The following ANKRD36C variants were observed in gnomAD, a reference collection of about 807,000 sequenced individuals.
ANKRD36C encodes ankyrin repeat domain 36C, also known as ankyrin repeat domain-containing protein 36C.
A neutral mutation model predicts 276.4 loss-of-function variants in ANKRD36C; 61 were observed. The ratio of observed to expected loss-of-function variants is 0.22; its 90% CI spans 0.18 to 0.27. ANKRD36C has a LOEUF of 0.27. ANKRD36C is among the 10% of genes least tolerant of loss of function. ANKRD36C has a pLI of 1.00. For missense variants in ANKRD36C, 1,447 were observed against 2,032.3 expected, an observed-to-expected ratio of 0.71 and a Z score of 5.54; for synonymous variants, 483 against 680.1, an observed-to-expected ratio of 0.71 and a Z score of 4.51.
At chr2:95,858,544 T>G (rs930935732) in intron 61 of ANKRD36C, among the ~76,000 whole-genome samples, 12 of 152,208 alleles carry the variant, frequency 7.9e-5, no homozygotes, top group Non-Finnish European at 1.5e-4. Context: ...CTTCACACAG[T>G]AATTACTCCT....
chr2:95,878,277 T>C (rs1225310877), intron 58 of ANKRD36C, among the ~76,000 whole-genome samples: 8 of 152,072 alleles, frequency 5.3e-5, no homozygotes, highest in Non-Finnish European at 1.2e-4. Flanking sequence ...TTAATAACAT[T>C]TTATACTTCA....
In ANKRD36C at chr2:95,872,380, C is replaced by T. The variant is rs539010871; in HGVS notation, c.3540+4059G>A. 1.2e-4 allele frequency among the ~76,000 whole-genome samples: 18 copies of T among 151,662 alleles called. 1 individual carries two copies. In the South Asian group the frequency reaches 3.1e-3, roughly 26 times the overall value. On this transcript the variant is annotated intron_variant, in intron 59 of 66. Transcript: ENST00000456556. The stretch of plus-strand genomic sequence containing the variant: ...AAGAAACTCACTCAAAACCGCTCAA[C>T]TACATGGAAACTGAACAACCTGCTC...
At chr2:95,880,572 A>G (rs1209447807) in intron 57 of ANKRD36C, 23 bp downstream of exon 77, 1 of 1,534,888 alleles carries the variant, frequency 6.5e-7, no homozygotes, top group Non-Finnish European at 8.8e-7. Flanking sequence ...AATAATTAAA[A>G]ATATAAATGT....
intron 37 of ANKRD36C, 37 bp downstream of exon 39, chr2:95,916,106 G>A (rs765074132): frequency 2.6e-5 from 41 of 1,604,644 alleles, no homozygotes; most frequent in Middle Eastern, 2.3e-4. Flanking sequence ...TAGGCTATAC[G>A]TTTACTAGCT....
chr2:95,916,310 G>A, intron 36 of ANKRD36C, 139 bp from the exon 39 acceptor site: 1 of 1,449,882 alleles, frequency 6.9e-7, no homozygotes, highest in Non-Finnish European at 9.4e-7. Context: ...TTGTGTCTGG[G>A]GACTAGAACA....
chr2:95,910,953 A>G (rs1228955940), intron 42 of ANKRD36C, among the ~76,000 whole-genome samples: 1 of 151,466 alleles, frequency 6.6e-6, no homozygotes, highest in Non-Finnish European at 1.5e-5. Flanking sequence ...CGTGCAACAA[A>G]TCAAAAGGAT....
intron 44 of ANKRD36C, 21 bp from the exon 63 acceptor site, chr2:95,893,745 A>C: frequency 6.2e-7 from 1 of 1,604,586 alleles, no homozygotes; most frequent in Non-Finnish European, 8.5e-7. Flanking sequence ...AAAGGGATTC[A>C]TAATCACTCA....
chr2:95,991,772 C>A, exon 1 of ANKRD36C: 1 of 1,508,844 alleles, frequency 6.6e-7, no homozygotes, highest in Non-Finnish European at 9.1e-7. Flanking sequence ...ATCGCCGCCT[C>A]CGAAGAGCAA....
intron 14 of ANKRD36C, among the ~76,000 whole-genome samples, 188 bp from the exon 15 acceptor site, chr2:95,951,596 T>C (rs151285751): frequency 6.6e-6 from 1 of 151,684 alleles, no homozygotes; most frequent in Non-Finnish European, 1.5e-5. Flanking sequence ...TGATTGGTGA[T>C]ACAGATATCT....
At chr2:95,903,215 T>A in intron 42 of ANKRD36C, 134 bp from the exon 53 acceptor site, 1 of 1,423,868 alleles carries the variant, frequency 7.0e-7, no homozygotes. Flanking sequence ...CTACTTTGTG[T>A]CTGGGGACTA....
At position 95,873,866 on chromosome 2, in the gene ANKRD36C, C is replaced by T. The variant is rs546041418; in HGVS notation, c.3540+2573G>A. ...AAAATCAATGTACAAAAATCATAAG[C>T]ATTCTTATACACCAATAACAGACAA... On this transcript the variant is annotated intron_variant, in intron 59 of 66. Coordinates refer to ENST00000456556, the Ensembl canonical transcript of ANKRD36C. Among the ~76,000 whole-genome samples, 83 of 152,336 alleles carry T rather than the reference C, an allele frequency of 5.4e-4. 2 individuals are homozygous for T. The highest frequency in any genetic ancestry group is 6.8e-3 in the Middle Eastern group (2 of 294).
At chr2:95,850,527 G>A (rs1449134885), downstream of ANKRD36C, among the ~76,000 whole-genome samples, 5 of 152,202 alleles carry the variant, frequency 3.3e-5, no homozygotes, top group South Asian at 2.1e-4. Context: ...AGGTGAAGAC[G>A]ATCACTGTGG....
chr2:95,869,213 G>C (rs1675747527), intron 59 of ANKRD36C, among the ~76,000 whole-genome samples: 1 of 152,044 alleles, frequency 6.6e-6, no homozygotes, highest in African/African-American at 2.4e-5. Context: ...CAAATCACTG[G>C]ATTGTAACTA....
chr2:95,944,757 A>G (rs1275387687), intron 18 of ANKRD36C, 63 bp from the exon 19 acceptor site: 1 of 1,516,232 alleles, frequency 6.6e-7, no homozygotes. Context: ...GTAAATAAGA[A>G]CCGGGTGTGG....
At chr2:95,924,243 T>G (rs563882197) in intron 30 of ANKRD36C, among the ~76,000 whole-genome samples, 18 of 151,762 alleles carry the variant, frequency 1.2e-4, no homozygotes, top group African/African-American at 4.1e-4. Flanking sequence ...TCCTAGTAGA[T>G]AGTATTCATT....
rs190729094 is a variant in ANKRD36C, at chr2:95,919,635, G to A, written c.2246-1593C>T. On this transcript the variant is annotated intron_variant, in intron 34 of 66. Transcript: ENST00000456556. ...CTGCTGAATCAGAATGTGCAGCTTC[G>A]GCGACTCCCCCCACCCACCCTCCGC... 116 of 618,302 alleles carry A rather than the reference G, an allele frequency of 1.9e-4. 19 individuals carry two copies. The African/African-American group carries it at 2.0e-3, about 11-fold the overall frequency. The allele number at this position is 618,302 out of a possible 1,614,324, so 38.3% of individuals were successfully genotyped here.
At chr2:95,917,805 T>C in intron 36 of ANKRD36C, 50 bp downstream of exon 38, 1 of 1,554,648 alleles carries the variant, frequency 6.4e-7, no homozygotes, top group Non-Finnish European at 8.7e-7. Flanking sequence ...GTAGAGAAGT[T>C]CTTTTCTATC....
intron 59 of ANKRD36C, among the ~76,000 whole-genome samples, chr2:95,869,070 C>T (rs1423276068): frequency 6.6e-6 from 1 of 151,566 alleles, no homozygotes; most frequent in East Asian, 1.9e-4. Flanking sequence ...AGTTTTCTTT[C>T]TTAGATGTCT....
intron 16 of ANKRD36C, among the ~76,000 whole-genome samples, chr2:95,950,066 G>A (rs1000108293): frequency 2.0e-5 from 3 of 152,138 alleles, no homozygotes; most frequent in African/African-American, 7.2e-5. Flanking sequence ...AACTGGTTAG[G>A]CAGTAAGTGG....
Sources: allele counts gnomAD v4.1 joint callset (sites outside exome capture counted in the v4.1 genomes callset), GRCh38; gene constraint gnomAD v4.1.1; transcripts MANE v1.5; gene names NCBI Gene and HGNC (gene_info 2026-07-23, HGNC 2026-07-21).